The following EIF4G3 variants were observed in gnomAD, a reference collection of about 807,000 sequenced individuals.
EIF4G3 encodes the protein eIF-4-gamma 3.
EIF4G3 carries 34 observed loss-of-function variants against 186.4 expected under a neutral mutation model. That is an observed-to-expected ratio of 0.18 (90% confidence interval 0.14 to 0.24). EIF4G3 has a LOEUF of 0.24. Ranked by LOEUF, EIF4G3 falls within the 10% of genes least tolerant of loss-of-function variation. The pLI, the probability that EIF4G3 is intolerant of heterozygous loss-of-function variation, is 1.00. For missense variants in EIF4G3, 1,536 were observed against 1,948.5 expected (o/e 0.79, Z 3.99); for synonymous variants, 673 against 679.5 (o/e 0.99, Z 0.15).
intron 34 of EIF4G3, among the ~76,000 whole-genome samples, chr1:20,815,651 G>T (rs1248049370): frequency 5.9e-5 from 4 of 67,356 alleles, no homozygotes; most frequent in African/African-American, 1.4e-4. Flanking sequence ...GAGGGAGGTG[G>T]GGGGGGGTCA....
chr1:21,108,527 A>G (rs955749027), intron 2 of EIF4G3, among the ~76,000 whole-genome samples: 11 of 152,178 alleles, frequency 7.2e-5, no homozygotes, highest in Admixed American at 4.6e-4. Flanking sequence ...ATTTCATTTC[A>G]TTATTTTCTG....
chr1:20,830,917 G>C (rs2064984937), intron 30 of EIF4G3, among the ~76,000 whole-genome samples: 1 of 152,042 alleles, frequency 6.6e-6, no homozygotes, highest in Admixed American at 6.6e-5. Flanking sequence ...GAAAAATCTT[G>C]AGTGTGCTGA....
intron 12 of EIF4G3, among the ~76,000 whole-genome samples, chr1:20,963,825 A>G (rs1009840198): frequency 6.6e-6 from 1 of 151,406 alleles, no homozygotes; most frequent in African/African-American, 2.4e-5. Flanking sequence ...GTGGTGGCAC[A>G]TGCCTGTAAT....
intron 4 of EIF4G3, among the ~76,000 whole-genome samples, chr1:21,050,025 T>C (rs543747534): frequency 7.9e-5 from 12 of 152,304 alleles, no homozygotes; most frequent in Admixed American, 7.2e-4. Flanking sequence ...ATTCAATCTC[T>C]AAAAGGCCTA....
intron 4 of EIF4G3, among the ~76,000 whole-genome samples, chr1:21,014,738 A>G (rs2088358798): frequency 6.0e-5 from 1 of 16,760 alleles, no homozygotes; most frequent in Non-Finnish European, 6.2e-4. Context: ...GGGTTCAAGC[A>G]ATTCTCCTGC....
chr1:21,117,469 C>T (rs954251006), intron 2 of EIF4G3, among the ~76,000 whole-genome samples: 1 of 151,882 alleles, frequency 6.6e-6, no homozygotes, highest in African/African-American at 2.4e-5. Flanking sequence ...CAAATAAACA[C>T]AATAAAAGCT....
chr1:21,093,139 A>G (rs2096255834), intron 2 of EIF4G3, among the ~76,000 whole-genome samples: 2 of 152,240 alleles, frequency 1.3e-5, no homozygotes, highest in Non-Finnish European at 2.9e-5. Flanking sequence ...ACAGCAAAAG[A>G]AACTACCATC....
At chr1:20,824,391 T>C (rs985890997) in intron 33 of EIF4G3, among the ~76,000 whole-genome samples, 8 of 152,256 alleles carry the variant, frequency 5.3e-5, no homozygotes, top group South Asian at 2.1e-4. Context: ...TGATTTTTTT[T>C]CTCCTTATTC....
chr1:20,863,071 G>A (rs947011229), intron 22 of EIF4G3, among the ~76,000 whole-genome samples: 2 of 152,088 alleles, frequency 1.3e-5, no homozygotes, highest in African/African-American at 4.8e-5. Flanking sequence ...TTATAGGTGT[G>A]AGCCACTGTG....
chr1:21,111,242 G>A (rs537579998), intron 2 of EIF4G3: 1 of 464,244 alleles, frequency 2.2e-6, no homozygotes, highest in South Asian at 1.6e-5. Context: ...GTACTAACAA[G>A]TGGCACTCTA....
At chr1:21,098,805 T>A (rs1435177529) in intron 2 of EIF4G3, among the ~76,000 whole-genome samples, 2 of 151,974 alleles carry the variant, frequency 1.3e-5, no homozygotes, top group Non-Finnish European at 2.9e-5. Flanking sequence ...CCCAGCTAAT[T>A]TTTTCATTTT....
At chr1:21,018,705 C>T (rs566657901) in intron 4 of EIF4G3, among the ~76,000 whole-genome samples, 2 of 152,212 alleles carry the variant, frequency 1.3e-5, no homozygotes, top group Admixed American at 6.5e-5. Flanking sequence ...GAATGAGTTG[C>T]TGCCATCCTT....
At chr1:21,126,101 G>C (rs1401901208) in intron 2 of EIF4G3, among the ~76,000 whole-genome samples, 1 of 151,854 alleles carries the variant, frequency 6.6e-6, no homozygotes, top group Non-Finnish European at 1.5e-5. Context: ...CAGCTACACA[G>C]GAGGCTAAGG....
intron 2 of EIF4G3, among the ~76,000 whole-genome samples, chr1:21,145,905 C>T (rs748146025): frequency 3.3e-5 from 5 of 152,110 alleles, no homozygotes; most frequent in Admixed American, 1.3e-4. Flanking sequence ...CACAGCAAGA[C>T]CTCATCTCTA....
intron 2 of EIF4G3, among the ~76,000 whole-genome samples, chr1:21,120,210 C>T (rs533598672): frequency 6.6e-6 from 1 of 150,870 alleles, no homozygotes; most frequent in South Asian, 2.1e-4. Flanking sequence ...AAATTTACAA[C>T]AATTTATCAA....
At chr1:21,072,833 G>T (rs977063992) in intron 3 of EIF4G3, among the ~76,000 whole-genome samples, 3 of 152,198 alleles carry the variant, frequency 2.0e-5, no homozygotes, top group Non-Finnish European at 4.4e-5. Context: ...CATTGTAGTT[G>T]TAAGAATAGA....
rs986547930 is a variant in EIF4G3 at position 21,077,415 on chromosome 1, GA to G, written c.-196+11722del. Among the ~76,000 whole-genome samples, 5 of 145,074 alleles carry G rather than the reference GA, an allele frequency of 3.4e-5. 1 individual carries two copies. In the South Asian group the frequency reaches 6.6e-4, roughly 19 times the overall value. ...GGCCCTGTCTAGAAAAAAAAAAAAA[GA>G]AAAAAAAAGGACAAATGATCTAAAC... On this transcript the variant is annotated intron_variant, in intron 3 of 36. Coordinates refer to ENST00000602326, the MANE Select transcript of EIF4G3 (RefSeq NM_001391906.1).
chr1:20,817,629 T>G (rs929347026), intron 33 of EIF4G3, 91 bp from the exon 34 acceptor site: 9 of 774,948 alleles, frequency 1.2e-5, no homozygotes, highest in Non-Finnish European at 1.6e-5. Context: ...AGGTTACGTC[T>G]TCTATTTTAC....
At position 21,176,868 on chromosome 1, in the gene EIF4G3, G is replaced by T; in HGVS notation, c.-602C>A. ...AGCAGAGCATCCAACATGGCGCTGT[G>T]GCCGCCTCCAGCAGTCCGGCAGGAC... On this transcript the variant is annotated 5_prime_UTR_variant, in exon 1 of 37. Transcript: ENST00000602326. The T allele has an allele frequency of 1.4e-6, 1 of 699,584 alleles. No homozygotes were observed. The highest frequency in any genetic ancestry group is 2.6e-6 in the Non-Finnish European group (1 of 382,916). 43.3% of individuals were successfully genotyped at this position (699,584 alleles called of 1,614,324 possible).
Sources: gnomAD v4.1 joint callset for allele counts (sites outside exome capture counted in the v4.1 genomes callset) on GRCh38, gnomAD v4.1.1 for gene constraint, MANE v1.5 for transcripts, NCBI Gene and HGNC (gene_info 2026-07-23, HGNC 2026-07-21) for gene names.